MBLAC2: variants seen among roughly 807,000 people sequenced by gnomAD.
The protein encoded by MBLAC2 is metallo-beta-lactamase domain containing 2.
Under a neutral mutation model 23.3 loss-of-function variants are expected in MBLAC2, and 24 were observed. The observed-to-expected ratio is 1.03, with a 90% CI of 0.75 to 1.45. MBLAC2 has a LOEUF of 1.45. MBLAC2 is among the 40% of genes most tolerant of loss of function. MBLAC2 has a pLI of 0.00. For synonymous variants in MBLAC2, 162 were observed against 150.9 expected, an observed-to-expected ratio of 1.07 and a Z score of -0.54; for missense variants, 358 against 370.0, an observed-to-expected ratio of 0.97 and a Z score of 0.27.
At chr5:90,466,721 A>G (rs985610702) in intron 1 of MBLAC2, among the ~76,000 whole-genome samples, 3 of 152,268 alleles carry the variant, frequency 2.0e-5, no homozygotes, top group Admixed American at 1.3e-4. Flanking sequence ...TGATTAGCAA[A>G]TAAGTACCAA....
At chr5:90,462,339 T>C (rs1210440880) in intron 1 of MBLAC2, among the ~76,000 whole-genome samples, 1 of 152,310 alleles carries the variant, frequency 6.6e-6, no homozygotes, top group East Asian at 1.9e-4. Flanking sequence ...ATTAAAAGAT[T>C]CATAATGTAA....
chr5:90,463,776 G>GA (rs1172146012), intron 1 of MBLAC2, among the ~76,000 whole-genome samples: 2 of 151,680 alleles, frequency 1.3e-5, no homozygotes, highest in East Asian at 1.9e-4. Flanking sequence ...AATACCAACA[G>GA]AAAAAAACAG....
At chr5:90,463,449 G>A (rs1053326059) in intron 1 of MBLAC2, among the ~76,000 whole-genome samples, 2 of 151,964 alleles carry the variant, frequency 1.3e-5, no homozygotes, top group Non-Finnish European at 2.9e-5. Flanking sequence ...AAATAAATAT[G>A]GGCAATATTC....
chr5:90,469,769 A>T (rs1171388884), intron 1 of MBLAC2, among the ~76,000 whole-genome samples: 1 of 152,220 alleles, frequency 6.6e-6, no homozygotes, highest in African/African-American at 2.4e-5. Context: ...GAATGCTTGT[A>T]CCCTGTTAGT....
Position 90,474,388 on chromosome 5 carries a change from T to A in MBLAC2, c.-96A>T, listed in dbSNP as rs537775001. On this transcript the variant is annotated 5_prime_UTR_variant, in exon 1 of 2. Transcript: ENST00000316610. ...GGCACTGCGGCTGTGTGAAGCGGTCTGCCTGCAGCCAGGGAGGAGGCGTAG... is the reference window on the plus strand; with the variant it reads ...GGCACTGCGGCTGTGTGAAGCGGTCAGCCTGCAGCCAGGGAGGAGGCGTAG... The A allele has an allele frequency of 3.0e-5, 35 of 1,165,642 alleles. No individual in the cohort carries two copies. Among genetic ancestry groups the A allele is most frequent in the South Asian group, 1.3e-5 (1 of 75,650 alleles). 72.2% of individuals were successfully genotyped at this position (1,165,642 alleles called of 1,614,324 possible). A position where few individuals can be genotyped will look rare whatever the true frequency, so the allele number is the denominator to read the frequency against.
At chr5:90,473,725 A>G in intron 1 of MBLAC2, 114 bp downstream of exon 1, 1 of 1,030,914 alleles carries the variant, frequency 9.7e-7, no homozygotes, top group Non-Finnish European at 1.5e-6. Flanking sequence ...TGGCTCTGCG[A>G]GGTGCCAAAA....
At chr5:90,463,222 T>C (rs1251607061) in intron 1 of MBLAC2, among the ~76,000 whole-genome samples, 1 of 152,200 alleles carries the variant, frequency 6.6e-6, no homozygotes, top group African/African-American at 2.4e-5. Context: ...TAGCTGGAAT[T>C]ACAGGCGTGT....
chr5:90,459,403 T>C lies in MBLAC2; in HGVS notation c.*1764A>G, dbSNP rs935719282. Reference sequence around the variant, plus strand: ...CATGCTAAATATGTGATGTTTGGAATATACTGGATTCCTGAAAATTAAATT... The same window carrying C: ...CATGCTAAATATGTGATGTTTGGAACATACTGGATTCCTGAAAATTAAATT... On this transcript the variant is annotated 3_prime_UTR_variant, in exon 2 of 2. Transcript: ENST00000316610. 2 of 152,158 alleles carry C rather than the reference T, an allele frequency of 1.3e-5. No homozygotes were observed. Among genetic ancestry groups the C allele is most frequent in the Non-Finnish European group, 2.9e-5 (2 of 67,972 alleles). 9.4% of individuals were successfully genotyped at this position (152,158 alleles called of 1,614,324 possible).
rs1561238047 is a variant in MBLAC2, at chr5:90,461,472, C to T, written c.535G>A (p.Asp179Asn). Residue 179 changes from aspartate (D) to asparagine (N), a missense_variant, in exon 2 of 2, where the codon GAC (aspartate) becomes AAC (asparagine). Physicochemically the swap from Asp to Asn is conservative, Grantham distance 23. Transcript: ENST00000316610. The stretch of plus-strand genomic sequence containing the variant: ...CTGAAGAGAATCTTTCGGTCTTTGT[C>T]ATGTAAGCAAATACTGCCCCTGGAG... ...GHSRGSICLH[D>N]KDRKILFSGD... 1.9e-6 allele frequency: 3 copies of T among 1,614,138 alleles called. No homozygotes were observed. Among genetic ancestry groups the T allele is most frequent in the South Asian group, 1.1e-5 (1 of 91,082 alleles).
intron 1 of MBLAC2, among the ~76,000 whole-genome samples, chr5:90,471,128 TC>T (rs933398865): frequency 1.3e-5 from 2 of 151,814 alleles, no homozygotes; most frequent in African/African-American, 4.8e-5. Flanking sequence ...CCAAAACAGT[TC>T]CCCCCGCCAA....
At position 90,461,434 on chromosome 5, in the gene MBLAC2, C is replaced by A; in HGVS notation, c.573G>T (p.Val191=). The change falls in exon 2 of 2, where the codon GTG becomes GTT. Residue 191 remains valine, a synonymous_variant. Coordinates refer to ENST00000316610, the MANE Select transcript of MBLAC2 (RefSeq NM_203406.2). ...DRKILFSGDV[V]YDGSLIDWLP... ...GCCAGTCAATCAGTGATCCATCATA[C>A]ACGACGTCTCCACTGAAGAGAATCT... 6.2e-7 allele frequency: 1 copy of A among 1,614,156 alleles called. No individual in the cohort carries two copies. Among genetic ancestry groups the A allele is most frequent in the Non-Finnish European group, 8.5e-7 (1 of 1,180,022 alleles).
intron 1 of MBLAC2, among the ~76,000 whole-genome samples, chr5:90,464,825 T>C (rs1211594313): frequency 2.0e-5 from 3 of 152,074 alleles, no homozygotes; most frequent in Non-Finnish European, 2.9e-5. Flanking sequence ...TATGACAAAA[T>C]CCAATTCTCA....
At chr5:90,469,416 A>G (rs1388662172) in intron 1 of MBLAC2, among the ~76,000 whole-genome samples, 1 of 150,290 alleles carries the variant, frequency 6.7e-6, no homozygotes, top group Non-Finnish European at 1.5e-5. Flanking sequence ...AAGTTTTTCA[A>G]CTTTATCTTC....
chr5:90,465,043 G>GTC (rs1750426671), intron 1 of MBLAC2, among the ~76,000 whole-genome samples: 1 of 152,078 alleles, frequency 6.6e-6, no homozygotes, highest in African/African-American at 2.4e-5. Flanking sequence ...AGAGAGTAAG[G>GTC]TCTCACAGAT....
Position 90,474,039 on chromosome 5 carries a change from T to C in MBLAC2, c.254A>G (p.His85Arg). The change falls in exon 1 of 2, where the codon CAC becomes CGC. Residue 85 changes from histidine (H) to arginine (R), a missense_variant. His to Arg is a conservative substitution (Grantham distance 29, BLOSUM62 0). Transcript: ENST00000316610. ...GTAGAGGCCGCCGGAGTGGTCGAAGTGCACGTGGGTGGCCACGGCAAGCAG... is the reference window on the plus strand; with the variant it reads ...GTAGAGGCCGCCGGAGTGGTCGAAGCGCACGTGGGTGGCCACGGCAAGCAG... ...RPLLAVATHV[H>R]FDHSGGLYQF... The C allele has an allele frequency of 6.3e-7, 1 of 1,590,820 alleles. No homozygotes were observed. Among genetic ancestry groups the C allele is most frequent in the Non-Finnish European group, 8.5e-7 (1 of 1,169,876 alleles).
At chr5:90,470,754 G>GCACACACACACA (rs112575403) in intron 1 of MBLAC2, among the ~76,000 whole-genome samples, 64 of 112,518 alleles carry the variant, frequency 5.7e-4, no homozygotes, top group Admixed American at 1.8e-3. Context: ...ACTAGCGCGC[G>GCACACACACACA]CGCACACACA....
At chr5:90,470,859 C>A (rs372079069) in intron 1 of MBLAC2, among the ~76,000 whole-genome samples, 2 of 151,882 alleles carry the variant, frequency 1.3e-5, no homozygotes, top group East Asian at 3.9e-4. Context: ...TCAAGAAACT[C>A]CTTTGTTTTA....
chr5:90,461,352 C>G lies in MBLAC2; in HGVS notation c.655G>C (p.Val219Leu). 2 of 1,614,172 alleles carry G rather than the reference C, an allele frequency of 1.2e-6. No individual in the cohort carries two copies. Among genetic ancestry groups the G allele is most frequent in the Non-Finnish European group, 1.7e-6 (2 of 1,180,014 alleles). Reference sequence around the variant, plus strand: ...ACCTTCTCTACCAGACCTCTGTCCACTAATTCTATTAGACGTTCACAAGTT... The same window carrying G: ...ACCTTCTCTACCAGACCTCTGTCCAGTAATTCTATTAGACGTTCACAAGTT... ...VGTCERLIEL[V>L]DRGLVEKVLP... The change falls in exon 2 of 2, where the codon GTG (valine) becomes CTG (leucine). Residue 219 changes from valine (V) to leucine (L), a missense_variant. By Grantham distance (32) the Val-to-Leu change is conservative. Coordinates refer to ENST00000316610, the MANE Select transcript of MBLAC2 (RefSeq NM_203406.2).
chr5:90,471,246 T>A (rs1177167743), intron 1 of MBLAC2, among the ~76,000 whole-genome samples: 1 of 152,200 alleles, frequency 6.6e-6, no homozygotes, highest in Non-Finnish European at 1.5e-5. Flanking sequence ...CAACCTGTTT[T>A]AGCCTCTGCA....
Sources: gnomAD v4.1 joint callset for allele counts (sites outside exome capture counted in the v4.1 genomes callset) on GRCh38, gnomAD v4.1.1 for gene constraint, MANE v1.5 for transcripts, NCBI Gene and HGNC (gene_info 2026-07-23, HGNC 2026-07-21) for gene names.